Variants in PDE10A observed in about 807,000 individuals in gnomAD.
PDE10A encodes the protein cAMP and cAMP-inhibited cGMP 3',5'-cyclic phosphodiesterase 10A.
Under a neutral mutation model 97.7 loss-of-function variants are expected in PDE10A, and 39 were observed. The observed-to-expected ratio is 0.40, with a 90% CI of 0.31 to 0.52. PDE10A has a LOEUF of 0.52. Ranked by LOEUF, PDE10A falls within the 20% of genes least tolerant of loss-of-function variation. The pLI, the probability that PDE10A is intolerant of heterozygous loss-of-function variation, is 0.56. For synonymous variants in PDE10A, 371 were observed against 376.8 expected (o/e 0.98, Z 0.18); for missense variants, 731 against 1,047.8 (o/e 0.70, Z 4.17).
intron 1 of PDE10A, among the ~76,000 whole-genome samples, chr6:165,794,027 CAAAG>C (rs1778737225): frequency 6.6e-6 from 1 of 152,088 alleles, no homozygotes; most frequent in Non-Finnish European, 1.5e-5. Context: ...TAGTAGCAAG[CAAAG>C]AGAGACAGGA....
intron 1 of PDE10A, among the ~76,000 whole-genome samples, chr6:165,814,857 G>T (rs561998809): frequency 6.6e-6 from 1 of 152,086 alleles, no homozygotes; most frequent in East Asian, 1.9e-4. Flanking sequence ...CTGTGCGTCA[G>T]TTCCGTTCCT....
At chr6:165,622,807 G>T (rs1424078488) in intron 1 of PDE10A, among the ~76,000 whole-genome samples, 2 of 152,152 alleles carry the variant, frequency 1.3e-5, no homozygotes, top group Admixed American at 1.3e-4. Context: ...GACAGAGTTT[G>T]GAAATCTCAT....
chr6:165,473,351 A>G (rs1340841803), intron 3 of PDE10A, among the ~76,000 whole-genome samples: 1 of 152,174 alleles, frequency 6.6e-6, no homozygotes, highest in Non-Finnish European at 1.5e-5. Context: ...TGAAAATGCA[A>G]GTAGAAATGA....
chr6:165,909,104 A>G (rs887037462), intron 1 of PDE10A: 1 of 150,288 alleles, frequency 6.7e-6, no homozygotes. Flanking sequence ...GGAAATGTTG[A>G]AAAAAAAAAT....
intron 1 of PDE10A, among the ~76,000 whole-genome samples, chr6:165,621,542 G>T (rs1788134531): frequency 6.6e-6 from 1 of 152,124 alleles, no homozygotes; most frequent in Non-Finnish European, 1.5e-5. Context: ...TGGATCACAA[G>T]GTCAGGAGTT....
intron 1 of PDE10A, among the ~76,000 whole-genome samples, chr6:165,620,558 G>C (rs527523300): frequency 6.6e-6 from 1 of 150,524 alleles, no homozygotes; most frequent in Non-Finnish European, 1.5e-5. Flanking sequence ...TAAGGGAAGA[G>C]AGAAAACGAT....
intron 1 of PDE10A, among the ~76,000 whole-genome samples, chr6:165,782,622 T>G (rs963169248): frequency 6.6e-6 from 1 of 152,252 alleles, no homozygotes; most frequent in African/African-American, 2.4e-5. Flanking sequence ...CTTGGAACTC[T>G]GTTAACACAA....
intron 2 of PDE10A, among the ~76,000 whole-genome samples, chr6:165,508,880 A>C (rs1781352347): frequency 6.6e-6 from 1 of 152,052 alleles, no homozygotes; most frequent in South Asian, 2.1e-4. Flanking sequence ...GTCCAGTCTC[A>C]AAACACTTCC....
chr6:165,811,815 C>T (rs190491360), intron 1 of PDE10A, among the ~76,000 whole-genome samples: 37 of 152,264 alleles, frequency 2.4e-4, no homozygotes, highest in Admixed American at 1.8e-3. Flanking sequence ...CTTATGCTGA[C>T]GGTGTGTTTG....
chr6:165,394,537 C>T (rs1049922716), intron 15 of PDE10A, among the ~76,000 whole-genome samples: 1 of 152,060 alleles, frequency 6.6e-6, no homozygotes, highest in African/African-American at 2.4e-5. Flanking sequence ...TATGTGTGCA[C>T]ATGTCTTTAT....
intron 1 of PDE10A, among the ~76,000 whole-genome samples, chr6:165,801,569 C>T (rs1049411817): frequency 5.9e-5 from 9 of 152,162 alleles, no homozygotes; most frequent in African/African-American, 2.2e-4. Flanking sequence ...ATCCACAGAT[C>T]AACATTTTAT....
intron 1 of PDE10A, among the ~76,000 whole-genome samples, chr6:165,968,076 T>C (rs1784562838): frequency 6.6e-6 from 1 of 152,152 alleles, no homozygotes; most frequent in Non-Finnish European, 1.5e-5. Context: ...ACAAAATATG[T>C]AGGGAAGTGG....
At chr6:165,412,706 G>C (rs1050889683) in intron 13 of PDE10A, among the ~76,000 whole-genome samples, 17 of 152,076 alleles carry the variant, frequency 1.1e-4, no homozygotes, top group African/African-American at 3.9e-4. Context: ...CTTGTCCTAT[G>C]AGTTACACGG....
At chr6:165,965,351 G>T (rs558189844) in intron 1 of PDE10A, among the ~76,000 whole-genome samples, 1 of 152,304 alleles carries the variant, frequency 6.6e-6, no homozygotes, top group African/African-American at 2.4e-5. Flanking sequence ...CACTGGTGGG[G>T]CAGACACAAG....
intron 1 of PDE10A, among the ~76,000 whole-genome samples, chr6:165,813,333 A>C (rs1779327948): frequency 7.4e-6 from 1 of 135,994 alleles, no homozygotes; most frequent in Non-Finnish European, 1.7e-5. Flanking sequence ...GGCAGAGGGG[A>C]AAGACACATG....
chr6:165,503,732 C>T (rs570043413), intron 2 of PDE10A, among the ~76,000 whole-genome samples: 36 of 152,112 alleles, frequency 2.4e-4, no homozygotes, highest in African/African-American at 8.2e-4. Context: ...AATAGTTTGG[C>T]GTTTTCTGAA....
At chr6:165,335,613 C>G (rs1781598170) in intron 21 of PDE10A, among the ~76,000 whole-genome samples, 1 of 152,156 alleles carries the variant, frequency 6.6e-6, no homozygotes, top group Non-Finnish European at 1.5e-5. Flanking sequence ...GCTTCTATCC[C>G]AGGCCTGAGG....
chr6:165,379,491 G>A, intron 17 of PDE10A, 125 bp from the exon 18 acceptor site: 1 of 701,618 alleles, frequency 1.4e-6, no homozygotes, highest in Non-Finnish European at 2.2e-6. Flanking sequence ...AAGGTTTTGG[G>A]GTAACTTTTG....
intron 2 of PDE10A, among the ~76,000 whole-genome samples, chr6:165,508,536 CAGTAAATACCTTAGAGAGGAATG>C (rs1781331527): frequency 6.6e-6 from 1 of 151,936 alleles, no homozygotes; most frequent in African/African-American, 2.4e-5. Flanking sequence ...CATTTATCTT[CAGTAAATACCTTAGAGAGGAATG>C]AATGGGGCTC....
Sources: gnomAD v4.1 joint callset for allele counts (sites outside exome capture counted in the v4.1 genomes callset) on GRCh38, gnomAD v4.1.1 for gene constraint, MANE v1.5 for transcripts, NCBI Gene and HGNC (gene_info 2026-07-23, HGNC 2026-07-21) for gene names.